Variants in DNAJC15 observed in about 807,000 individuals in gnomAD.
DNAJC15 encodes the protein DnaJ heat shock protein family (Hsp40) member C15.
In DNAJC15, 27 loss-of-function variants were observed where a neutral mutation model predicts 22.4. The observed-to-expected ratio is 1.20, with a 90% CI of 0.89 to 1.66. The LOEUF is 1.66. Ranked by LOEUF, DNAJC15 falls within the 40% of genes most tolerant of loss-of-function variation. The probability of loss-of-function intolerance (pLI) is 0.00; values close to 1 mark genes in which losing one functional copy is unlikely to be tolerated. For synonymous variants in DNAJC15, 79 were observed against 63.2 expected (o/e 1.25, Z -1.19); for missense variants, 208 against 187.1 (o/e 1.11, Z -0.65).
rs920945904 is a variant in DNAJC15 at position 43,035,469 on chromosome 13, A to T, written c.108+11735A>T. Among the ~76,000 whole-genome samples the T allele has an allele frequency of 2.0e-5, 3 of 152,214 alleles. No individual in the cohort carries two copies. The South Asian group carries it at 6.2e-4, about 32-fold the overall frequency. ...TACCTAGAATTTAACAATCACCACC[A>T]CACTGAAAAAATAGTTTTTGTATAG... On this transcript the variant is annotated intron_variant, in intron 1 of 5. Coordinates refer to ENST00000379221, the MANE Select transcript of DNAJC15 (RefSeq NM_013238.3).
At chr13:43,077,718 C>T (rs772649141) in intron 3 of DNAJC15, among the ~76,000 whole-genome samples, 13 of 152,302 alleles carry the variant, frequency 8.5e-5, no homozygotes, top group South Asian at 8.3e-4. Flanking sequence ...AAGTCCTTCA[C>T]GCCTGATGGG....
intron 1 of DNAJC15, among the ~76,000 whole-genome samples, chr13:43,059,745 G>C (rs537900274): frequency 2.0e-5 from 3 of 152,344 alleles, no homozygotes; most frequent in East Asian, 3.9e-4. Context: ...TTTCACCTGG[G>C]TGCAGGCGGG....
intron 1 of DNAJC15, among the ~76,000 whole-genome samples, chr13:43,036,811 G>T (rs2040431039): frequency 6.6e-6 from 1 of 152,256 alleles, no homozygotes; most frequent in Admixed American, 6.5e-5. Context: ...CAGGGGGCTG[G>T]CATGTCATCA....
intron 1 of DNAJC15, among the ~76,000 whole-genome samples, chr13:43,029,479 A>G (rs538080504): frequency 2.6e-5 from 4 of 151,936 alleles, no homozygotes; most frequent in East Asian, 1.9e-4. Context: ...TTTACTGCCT[A>G]TGTTGTTTAG....
chr13:43,072,442 A>C (rs1397789003), intron 3 of DNAJC15, among the ~76,000 whole-genome samples: 2 of 152,098 alleles, frequency 1.3e-5, no homozygotes, highest in Non-Finnish European at 2.9e-5. Context: ...TTACCATTTT[A>C]TCTCTTATTT....
intron 4 of DNAJC15, among the ~76,000 whole-genome samples, chr13:43,080,707 G>A (rs17064141): frequency 0.017 from 2,608 of 152,218 alleles, 91 homozygotes; most frequent in East Asian, 0.11. Context: ...ATAATATTCT[G>A]CCTTGTTGGA....
intron 2 of DNAJC15, among the ~76,000 whole-genome samples, chr13:43,067,425 A>G (rs1272359095): frequency 6.6e-6 from 1 of 152,168 alleles, no homozygotes; most frequent in African/African-American, 2.4e-5. Flanking sequence ...AATTCTGACA[A>G]ACTTGCCCCT....
At chr13:43,086,378 T>C (rs566485336) in intron 5 of DNAJC15, among the ~76,000 whole-genome samples, 10 of 152,160 alleles carry the variant, frequency 6.6e-5, no homozygotes, top group African/African-American at 2.2e-4. Context: ...TACAGCTGCT[T>C]GAGAGGGAAA....
At chr13:43,049,902 TTTTG>T (rs748707865) in intron 1 of DNAJC15, among the ~76,000 whole-genome samples, 4 of 152,162 alleles carry the variant, frequency 2.6e-5, no homozygotes, top group South Asian at 4.2e-4. Context: ...CCAGTTAAAG[TTTTG>T]TTTGTTTGTT....
intron 1 of DNAJC15, among the ~76,000 whole-genome samples, chr13:43,059,536 G>C (rs1027477898): frequency 6.6e-6 from 1 of 152,088 alleles, no homozygotes; most frequent in Non-Finnish European, 1.5e-5. Flanking sequence ...GGCTAATTTT[G>C]TACTTTTAGT....
At chr13:43,087,330 ACTC>A (rs1449687028) in intron 5 of DNAJC15, among the ~76,000 whole-genome samples, 1 of 152,084 alleles carries the variant, frequency 6.6e-6, no homozygotes, top group Non-Finnish European at 1.5e-5. Context: ...ACAGTTAAGA[ACTC>A]CTGCTCTAGT....
intron 3 of DNAJC15, among the ~76,000 whole-genome samples, chr13:43,075,141 C>A (rs879556917): frequency 6.6e-6 from 1 of 152,250 alleles, no homozygotes; most frequent in East Asian, 1.9e-4. Flanking sequence ...CATGTTAAGT[C>A]TCTATTCTCA....
chr13:43,037,336 C>G (rs2040433718), intron 1 of DNAJC15, among the ~76,000 whole-genome samples: 1 of 152,128 alleles, frequency 6.6e-6, no homozygotes, highest in Non-Finnish European at 1.5e-5. Context: ...CTGGAGACTT[C>G]AAAGTCAGTA....
chr13:43,054,281 T>C (rs895809406), intron 1 of DNAJC15, among the ~76,000 whole-genome samples: 1 of 152,218 alleles, frequency 6.6e-6, no homozygotes, highest in African/African-American at 2.4e-5. Context: ...ATTGTTTTGA[T>C]ATGCTGTTGG....
chr13:43,060,485 C>T (rs536626077), intron 1 of DNAJC15, among the ~76,000 whole-genome samples: 1 of 152,150 alleles, frequency 6.6e-6, no homozygotes, highest in African/African-American at 2.4e-5. Flanking sequence ...GGGGGTTCAA[C>T]GTTATTGTTT....
intron 1 of DNAJC15, among the ~76,000 whole-genome samples, chr13:43,054,478 G>A (rs1227383342): frequency 6.6e-6 from 1 of 152,120 alleles, no homozygotes; most frequent in Non-Finnish European, 1.5e-5. Flanking sequence ...AATAGGATTG[G>A]TACTAGTTCT....
intron 1 of DNAJC15, among the ~76,000 whole-genome samples, chr13:43,039,634 T>G (rs2040444034): frequency 6.6e-6 from 1 of 152,192 alleles, no homozygotes. Flanking sequence ...AGTACAATAA[T>G]AAAATGATAA....
intron 1 of DNAJC15, among the ~76,000 whole-genome samples, chr13:43,045,811 C>G (rs1015730264): frequency 2.0e-5 from 3 of 152,174 alleles, no homozygotes; most frequent in African/African-American, 7.2e-5. Flanking sequence ...CACATACCTA[C>G]TTCTTTATCT....
chr13:43,088,764 C>G (rs1386601006), intron 5 of DNAJC15, among the ~76,000 whole-genome samples: 2 of 151,108 alleles, frequency 1.3e-5, no homozygotes, highest in Non-Finnish European at 2.9e-5. Flanking sequence ...AAAATGTGTT[C>G]TAAATATTTA....
Sources: allele counts gnomAD v4.1 joint callset (sites outside exome capture counted in the v4.1 genomes callset), GRCh38; gene constraint gnomAD v4.1.1; transcripts MANE v1.5; gene names NCBI Gene and HGNC (gene_info 2026-07-23, HGNC 2026-07-21).